Variants in LAIR1 observed in about 807,000 individuals in gnomAD.
LAIR1 encodes the protein leukocyte associated immunoglobulin like receptor 1, also known as leukocyte-associated immunoglobulin-like receptor 1.
LAIR1 carries 24 observed loss-of-function variants against 32.8 expected under a neutral mutation model. The observed-to-expected ratio is 0.73, with a 90% CI of 0.53 to 1.03. The LOEUF is 1.03. Among genes scored for constraint, LAIR1 ranks in the 50% least tolerant of loss-of-function variants. The probability of loss-of-function intolerance (pLI) is 0.00; values close to 1 mark genes in which losing one functional copy is unlikely to be tolerated. For synonymous variants in LAIR1, 150 were observed against 140.5 expected, an observed-to-expected ratio of 1.07 and a Z score of -0.48; for missense variants, 355 against 347.5, an observed-to-expected ratio of 1.02 and a Z score of -0.17.
intron 8 of LAIR1, 48 bp from the exon 9 acceptor site, chr19:54,356,054 G>T: frequency 6.7e-7 from 1 of 1,485,912 alleles, no homozygotes; most frequent in Non-Finnish European, 9.4e-7. Context: ...ATGTCGCAAG[G>T]CAAATCTGCC....
chr19:54,356,643 T>G, intron 5 of LAIR1, 24 bp from the exon 6 acceptor site: 1 of 1,612,620 alleles, frequency 6.2e-7, no homozygotes. Flanking sequence ...AAACAGGATT[T>G]CAGCAGTGTG....
chr19:54,365,095 T>C (rs908248945), upstream of LAIR1: 80 of 1,312,590 alleles, frequency 6.1e-5, no homozygotes, highest in Non-Finnish European at 7.4e-5. Flanking sequence ...TCTTTCTAAA[T>C]CTATGGGACA....
intron 7 of LAIR1, 43 bp from the exon 8 acceptor site, chr19:54,356,310 G>C (rs1344748697): frequency 6.2e-7 from 1 of 1,606,796 alleles, no homozygotes; most frequent in South Asian, 1.1e-5. Context: ...CAGCCTGGCG[G>C]CCGAGGACTG....
upstream of LAIR1, among the ~76,000 whole-genome samples, chr19:54,373,328 C>G (rs1183970887): frequency 6.6e-6 from 1 of 151,414 alleles, no homozygotes; most frequent in Non-Finnish European, 1.5e-5. Context: ...CCTGTAGTCC[C>G]AGCTACTTGG....
chr19:54,375,783 C>T, the LAIR1 span, among the ~76,000 whole-genome samples: 1 of 151,820 alleles, frequency 6.6e-6, no homozygotes, highest in Non-Finnish European at 1.5e-5. Context: ...GAGTCTGTGT[C>T]AGAGACGAGC....
upstream of LAIR1, among the ~76,000 whole-genome samples, chr19:54,373,398 C>G (rs1438119457): frequency 6.6e-6 from 1 of 152,080 alleles, no homozygotes; most frequent in South Asian, 2.1e-4. Context: ...GAGCCGAGAT[C>G]GCGCCACTGC....
chr19:54,371,386 C>T (rs1339368779), upstream of LAIR1, among the ~76,000 whole-genome samples: 1 of 151,360 alleles, frequency 6.6e-6, no homozygotes, highest in Non-Finnish European at 1.5e-5. Context: ...GCAGCCTCCA[C>T]TTCCCAGGCT....
In LAIR1 at chr19:54,355,174, G is replaced by A; in HGVS notation, c.*94C>T. 8.1e-7 allele frequency: 1 copy of A among 1,228,206 alleles called. No individual in the cohort carries two copies. Among genetic ancestry groups the A allele is most frequent in the African/African-American group, 1.5e-5 (1 of 64,626 alleles). 76.1% of individuals were successfully genotyped at this position (1,228,206 alleles called of 1,614,324 possible). A position where few individuals can be genotyped will look rare whatever the true frequency, so the allele number is the denominator to read the frequency against. ...CTGCCTGGCTGGCTTTCTAGATGAA[G>A]AGGAATCCAACAGGAAGCCTTCCAA... On this transcript the variant is annotated 3_prime_UTR_variant, in exon 10 of 10. Coordinates refer to ENST00000391742, the MANE Select transcript of LAIR1 (RefSeq NM_002287.6). The surrounding 1 kb of genome is among the most constrained non-coding windows in gnomAD (Gnocchi z 4.7).
chr19:54,366,612 C>A (rs1024886814), upstream of LAIR1, among the ~76,000 whole-genome samples: 4 of 152,106 alleles, frequency 2.6e-5, no homozygotes, highest in African/African-American at 9.7e-5. Flanking sequence ...CCTCAGCCTC[C>A]CGATTAGCTG....
At chr19:54,358,577 C>T (rs2081854148) in intron 4 of LAIR1, 6 of 1,609,412 alleles carry the variant, frequency 3.7e-6, no homozygotes, top group East Asian at 2.2e-5. Flanking sequence ...GCCATTTCTC[C>T]TCATTCTTGG....
In LAIR1 at chr19:54,361,169, G is replaced by C; in HGVS notation, c.111C>G (p.Thr37=). The C allele has an allele frequency of 6.2e-7, 1 of 1,614,178 alleles. No homozygotes were observed. The highest frequency in any genetic ancestry group is 8.5e-7 in the Non-Finnish European group (1 of 1,180,036). Reference sequence around the variant, plus strand: ...TCACATGGCTCCCCAGGGGGATCACGGTGCCTGGCTCAGCCGAGATGGAGG... The same window carrying C: ...TCACATGGCTCCCCAGGGGGATCACCGTGCCTGGCTCAGCCGAGATGGAGG... ...PRPSISAEPG[T]VIPLGSHVTF... The change falls in exon 3 of 10, where the codon ACC becomes ACG. Residue 37 remains threonine (T), a synonymous_variant. Transcript: ENST00000391742.
At chr19:54,356,855 C>A (rs899796631) in intron 5 of LAIR1, 73 bp downstream of exon 5, 6 of 1,574,722 alleles carry the variant, frequency 3.8e-6, no homozygotes, top group African/African-American at 1.4e-5. Flanking sequence ...CTGATCAACC[C>A]CAAAGCCTGA....
At chr19:54,358,473 A>C in intron 4 of LAIR1, 1 of 1,327,882 alleles carries the variant, frequency 7.5e-7, no homozygotes, top group Admixed American at 2.2e-5. Context: ...ATTGCAAATC[A>C]TATATTTTTA....
chr19:54,374,133 C>T (rs956446605), upstream of LAIR1, among the ~76,000 whole-genome samples: 10 of 151,602 alleles, frequency 6.6e-5, no homozygotes, highest in Admixed American at 1.3e-4. Flanking sequence ...TTCTGCCTCA[C>T]GTGAAAAATA....
chr19:54,366,221 G>A (rs542033606), upstream of LAIR1, among the ~76,000 whole-genome samples: 18 of 152,126 alleles, frequency 1.2e-4, no homozygotes, highest in East Asian at 2.9e-3. Flanking sequence ...ATTTGTTAAC[G>A]GAATAGACCT....
intron 2 of LAIR1, among the ~76,000 whole-genome samples, chr19:54,363,482 C>G (rs1234535373): frequency 6.6e-6 from 1 of 152,146 alleles, no homozygotes; most frequent in Non-Finnish European, 1.5e-5. Flanking sequence ...GTGTGCGGAG[C>G]TGACGCCTGC....
exon 1 of LAIR1, chr19:54,370,520 A>G: frequency 2.5e-6 from 1 of 401,144 alleles, no homozygotes; most frequent in Non-Finnish European, 4.5e-6. Flanking sequence ...ACCAAGACAT[A>G]GCGGGTGTCA....
upstream of LAIR1, among the ~76,000 whole-genome samples, chr19:54,374,480 G>T (rs2082469514): frequency 6.6e-6 from 1 of 152,060 alleles, no homozygotes. Context: ...CTGAACCGGG[G>T]GTGCAGAACC....
Position 54,364,165 on chromosome 19 carries a change from A to C in LAIR1, c.70+130T>G. ...GGTTGGTTATGCATTTTACATTTGG[A>C]AGAGTTTGCAATCTAGGGTATATTT... On this transcript the variant is annotated intron_variant, in intron 2 of 9. Transcript: ENST00000391742. The surrounding 1 kb of genome is among the most constrained non-coding windows in gnomAD (Gnocchi z 4.8). The C allele has an allele frequency of 9.1e-7, 1 of 1,098,992 alleles. No homozygotes were observed. Among genetic ancestry groups the C allele is most frequent in the South Asian group, 1.4e-5 (1 of 72,584 alleles). 68.1% of individuals were successfully genotyped at this position (1,098,992 alleles called of 1,614,324 possible). A position where few individuals can be genotyped will look rare whatever the true frequency, so the allele number is the denominator to read the frequency against.
Sources: allele counts gnomAD v4.1 joint callset (sites outside exome capture counted in the v4.1 genomes callset), GRCh38; gene constraint gnomAD v4.1.1; non-coding constraint Gnocchi (gnomAD v3.1); transcripts MANE v1.5; gene names NCBI Gene and HGNC (gene_info 2026-07-23, HGNC 2026-07-21).